Variants in NETO1 observed in about 807,000 individuals in gnomAD.
NETO1 encodes the protein neuropilin and tolloid like 1, also known as neuropilin and tolloid-like protein 1.
In NETO1, 26 loss-of-function variants were observed where a neutral mutation model predicts 61.3. That is an observed-to-expected ratio of 0.42 (90% CI 0.31 to 0.59). The LOEUF is 0.59. NETO1 is among the 20% of genes least tolerant of loss of function. The probability of loss-of-function intolerance (pLI) is 0.12; values close to 1 mark genes in which losing one functional copy is unlikely to be tolerated. For synonymous variants in NETO1, 225 were observed against 225.8 expected, an observed-to-expected ratio of 1.00 and a Z score of 0.03; for missense variants, 531 against 662.8, an observed-to-expected ratio of 0.80 and a Z score of 2.18.
downstream of NETO1, chr18:72,743,608 T>C (rs2070373619): frequency 6.6e-6 from 1 of 152,176 alleles, no homozygotes; most frequent in South Asian, 2.1e-4. Flanking sequence ...CAGGGCTCTG[T>C]AATTGTGTTC....
intron 4 of NETO1, among the ~76,000 whole-genome samples, chr18:72,800,177 C>A (rs2072459348): frequency 6.6e-6 from 1 of 152,214 alleles, no homozygotes; most frequent in African/African-American, 2.4e-5. Context: ...AGGAATGGAT[C>A]TGTGACCCAT....
intron 4 of NETO1, among the ~76,000 whole-genome samples, chr18:72,851,217 G>A (rs1361563562): frequency 6.6e-6 from 1 of 152,084 alleles, no homozygotes; most frequent in Non-Finnish European, 1.5e-5. Flanking sequence ...TTCGAGACCA[G>A]CCTGATCAAC....
In NETO1 at chr18:72,750,063, G is replaced by C. The variant is rs778182466; in HGVS notation, c.1540C>G (p.Arg514Gly). The change falls in exon 9 of 11, where the codon CGG (arginine) becomes GGG (glycine). Residue 514 changes from arginine (R) to glycine (G), a missense_variant and splice_region_variant. Coordinates refer to ENST00000327305, the MANE Select transcript of NETO1 (RefSeq NM_138966.5). ...RLSRHDKAVQ[R>G]FCLIGSLSKH... Reference sequence around the variant, plus strand: ...ATCAAAAAATCTATTGATACTGACCGCTGGACGGCTTTATCGTGTCTGGAC... The same window carrying C: ...ATCAAAAAATCTATTGATACTGACCCCTGGACGGCTTTATCGTGTCTGGAC... The C allele has an allele frequency of 6.4e-7, 1 of 1,569,072 alleles. No individual in the cohort carries two copies. The highest frequency in any genetic ancestry group is 1.2e-5 in the South Asian group (1 of 83,540).
At chr18:72,865,156 T>G (rs1270784799) in intron 2 of NETO1, 32 bp downstream of exon 2, 1 of 1,593,876 alleles carries the variant, frequency 6.3e-7, no homozygotes, top group South Asian at 1.1e-5. Context: ...TAATTCGAGG[T>G]CTTCCACTAG....
At chr18:72,864,302 C>A (rs971480637) in intron 3 of NETO1, among the ~76,000 whole-genome samples, 66 of 152,168 alleles carry the variant, frequency 4.3e-4, no homozygotes, top group Non-Finnish European at 7.3e-5. Flanking sequence ...ACCTTGACTT[C>A]AAAATGAGAT....
chr18:72,787,342 C>T (rs2071956311), intron 6 of NETO1, among the ~76,000 whole-genome samples: 1 of 151,442 alleles, frequency 6.6e-6, no homozygotes, highest in Non-Finnish European at 1.5e-5. Flanking sequence ...AAGTGTAATA[C>T]AAAATGACAC....
At chr18:72,824,401 A>G (rs1599082867) in intron 4 of NETO1, among the ~76,000 whole-genome samples, 5 of 152,350 alleles carry the variant, frequency 3.3e-5, no homozygotes, top group Admixed American at 3.3e-4. Context: ...AATTGAATGT[A>G]TAATTATCTG....
rs760168031 is a variant in NETO1, at chr18:72,794,260, CCAAA to C, written c.512-20_512-17del. ...AACTCACACGCTAAATAACAAAATG[CCAAA>C]CAAACACACAAAAACGGAGCTTGAA... On this transcript the variant is annotated splice_polypyrimidine_tract_variant and intron_variant, in intron 5 of 10. Transcript: ENST00000327305. 52 of 1,613,880 alleles carry C rather than the reference CCAAA, an allele frequency of 3.2e-5. No homozygotes were observed. The highest frequency in any genetic ancestry group is 2.4e-5 in the Non-Finnish European group (28 of 1,179,968).
intron 7 of NETO1, among the ~76,000 whole-genome samples, chr18:72,778,086 G>A (rs936221845): frequency 6.6e-6 from 1 of 152,206 alleles, no homozygotes; most frequent in Non-Finnish European, 1.5e-5. Context: ...ACTACTGCCA[G>A]AAAGTGCCGG....
In NETO1 at chr18:72,859,025, A is replaced by C; in HGVS notation, c.270T>G (p.Ile90Met). 1.2e-6 allele frequency: 2 copies of C among 1,613,660 alleles called. No homozygotes were observed. Among genetic ancestry groups the C allele is most frequent in the Non-Finnish European group, 1.7e-6 (2 of 1,179,776 alleles). The change falls in exon 4 of 11, where the codon ATT (isoleucine) becomes ATG (methionine). Residue 90 changes from isoleucine (I) to methionine (M), a missense_variant. Physicochemically the swap from Ile to Met is conservative, Grantham distance 10. Transcript: ENST00000327305. ...IELYFDEKYS[I>M]EPSWECKFDH... Reference sequence around the variant, plus strand: ...CAAATTTGCACTCCCAAGACGGTTCAATAGAGTACTTTTCATCAAAGTAAA... The same window carrying C: ...CAAATTTGCACTCCCAAGACGGTTCCATAGAGTACTTTTCATCAAAGTAAA...
At chr18:72,788,153 A>G (rs2071985525) in intron 6 of NETO1, among the ~76,000 whole-genome samples, 2 of 152,246 alleles carry the variant, frequency 1.3e-5, no homozygotes, top group South Asian at 4.2e-4. Flanking sequence ...TTGTACATGA[A>G]GTGCAATCAC....
rs199993931 is a variant in NETO1, at chr18:72,864,788, C to G, written c.220+20G>C. The G allele has an allele frequency of 2.9e-5, 46 of 1,613,834 alleles. No homozygotes were observed. In the East Asian group the frequency reaches 9.4e-4, roughly 33 times the overall value. ...GTTTTGGCTTAGTGCTTTCTTAACT[C>G]TGGCACTGTCTCCCCTTACCTTCTA... is the stretch of plus-strand genomic sequence containing the variant. On this transcript the variant is annotated intron_variant, in intron 3 of 10. Coordinates refer to ENST00000327305, the MANE Select transcript of NETO1 (RefSeq NM_138966.5).
intron 3 of NETO1, 117 bp from the exon 4 acceptor site, chr18:72,859,191 G>A (rs921870661): frequency 1.0e-6 from 1 of 986,928 alleles, no homozygotes; most frequent in African/African-American, 1.7e-5. Flanking sequence ...TGGATGATAT[G>A]CATAGAAATA....
chr18:72,764,292 G>C (rs1458257298), intron 7 of NETO1, among the ~76,000 whole-genome samples: 1 of 152,044 alleles, frequency 6.6e-6, no homozygotes, highest in Non-Finnish European at 1.5e-5. Context: ...TACTCTGTTT[G>C]GTGAGGGATG....
intron 4 of NETO1, among the ~76,000 whole-genome samples, chr18:72,808,922 T>C (rs2072772275): frequency 6.6e-6 from 1 of 152,236 alleles, no homozygotes; most frequent in Non-Finnish European, 1.5e-5. Context: ...AGTGGTGCCT[T>C]GCCAGGAGCC....
rs539829029 is a variant in NETO1 at position 72,810,428 on chromosome 18, T to C, written c.470-16024A>G. 2.0e-5 allele frequency among the ~76,000 whole-genome samples: 3 copies of C among 152,280 alleles called. No homozygotes were observed. In the East Asian group the frequency reaches 5.8e-4, roughly 29 times the overall value. On this transcript the variant is annotated intron_variant, in intron 4 of 10. Coordinates refer to ENST00000327305, the MANE Select transcript of NETO1 (RefSeq NM_138966.5). ...TGTGAAGAATGATTATTCCTGGACCTCCAGACCTAACTGCCAGGGTGCATT... is the reference window on the plus strand; with the variant it reads ...TGTGAAGAATGATTATTCCTGGACCCCCAGACCTAACTGCCAGGGTGCATT...
chr18:72,776,096 A>T (rs1355783104), intron 7 of NETO1, among the ~76,000 whole-genome samples: 1 of 152,210 alleles, frequency 6.6e-6, no homozygotes, highest in Non-Finnish European at 1.5e-5. Flanking sequence ...CTACAGGCTG[A>T]GAAGTTCAAG....
At chr18:72,799,234 T>C (rs1336191936) in intron 4 of NETO1, among the ~76,000 whole-genome samples, 1 of 152,168 alleles carries the variant, frequency 6.6e-6, no homozygotes, top group East Asian at 1.9e-4. Context: ...ACTGATGAAA[T>C]GGCAGAAGAT....
In NETO1 at chr18:72,756,134, G is replaced by A; in HGVS notation, c.882C>T (p.Gly294=). The A allele has an allele frequency of 6.3e-7, 1 of 1,590,042 alleles. No homozygotes were observed. ...TGTTACTATGGCAGAAGAATGTGTT[G>A]CCTTCACAAGGAGCTAAAAAGAAGA... ...FTSFQEPPCE[G]NTFFCHSNMC... is the part of the protein sequence containing the mutation. Residue 294 remains glycine (G), a synonymous_variant, in exon 8 of 11, where the codon GGC becomes GGT. Transcript: ENST00000327305.
Sources: gnomAD v4.1 joint callset for allele counts (sites outside exome capture counted in the v4.1 genomes callset) on GRCh38, gnomAD v4.1.1 for gene constraint, MANE v1.5 for transcripts, NCBI Gene and HGNC (gene_info 2026-07-23, HGNC 2026-07-21) for gene names.